Variants in CCDC126 observed in about 807,000 individuals in gnomAD.
CCDC126 encodes the protein coiled-coil domain-containing protein 126.
Under a neutral mutation model 11.7 loss-of-function variants are expected in CCDC126, and 5 were observed. The ratio of observed to expected loss-of-function variants is 0.43; its 90% confidence interval spans 0.22 to 0.90. The LOEUF (loss-of-function observed/expected upper bound fraction) is 0.90. Among genes scored for constraint, CCDC126 ranks in the 40% least tolerant of loss-of-function variants. The pLI is 0.27. For missense variants in CCDC126, 150 were observed against 163.1 expected, an observed-to-expected ratio of 0.92 and a Z score of 0.44; for synonymous variants, 60 against 61.9, an observed-to-expected ratio of 0.97 and a Z score of 0.14.
At chr7:23,611,590 T>G (rs1346971027) in intron 3 of CCDC126, 37 bp downstream of exon 3, 2 of 1,438,774 alleles carry the variant, frequency 1.4e-6, no homozygotes, top group Non-Finnish European at 2.0e-6. Flanking sequence ...TTTCCTCCAA[T>G]CCCTGTTTAA....
intron 3 of CCDC126, among the ~76,000 whole-genome samples, chr7:23,630,851 T>G (rs1052420989): frequency 2.0e-5 from 3 of 149,988 alleles, no homozygotes; most frequent in Admixed American, 1.3e-4. Context: ...CTGACCACAG[T>G]GTAGAAATCA....
intron 3 of CCDC126, among the ~76,000 whole-genome samples, chr7:23,636,456 G>C (rs1162903274): frequency 6.7e-6 from 1 of 149,908 alleles, no homozygotes; most frequent in African/African-American, 2.5e-5. Flanking sequence ...AGGAAGTGAG[G>C]AGCGTCTCTG....
rs980660151 is a variant in CCDC126, at chr7:23,611,952, G to A, written c.238+399G>A. On this transcript the variant is annotated intron_variant, in intron 3 of 3. Transcript: ENST00000307471. ...AGGTCAGGAAATCGAGACCATCCTG[G>A]CTAACACGGTAAAACCCCGTCTCTA... 9.2e-5 allele frequency among the ~76,000 whole-genome samples: 14 copies of A among 152,092 alleles called. 1 individual carries two copies. The highest frequency in any genetic ancestry group is 5.9e-4 in the Admixed American group (9 of 15,266).
intron 2 of CCDC126, among the ~76,000 whole-genome samples, chr7:23,599,745 C>T (rs1446326232): frequency 2.0e-5 from 3 of 151,882 alleles, no homozygotes; most frequent in Non-Finnish European, 1.5e-5. Context: ...AGGTGTGAGC[C>T]CTGGAGCCCG....
At chr7:23,597,727 C>A (rs1782447495) in intron 1 of CCDC126, 122 bp downstream of exon 1, 1 of 152,360 alleles carries the variant, frequency 6.6e-6, no homozygotes, top group South Asian at 2.0e-4. Context: ...AGGGCCGCTG[C>A]TGCGGAAACC....
chr7:23,626,294 A>G (rs1783014796), intron 3 of CCDC126, among the ~76,000 whole-genome samples: 1 of 152,102 alleles, frequency 6.6e-6, no homozygotes, highest in Non-Finnish European at 1.5e-5. Flanking sequence ...TTAATTTGAA[A>G]TAGGAGTACA....
At chr7:23,619,428 T>C (rs1434422333) in intron 3 of CCDC126, 4 of 417,966 alleles carry the variant, frequency 9.6e-6, no homozygotes, top group Non-Finnish European at 1.9e-5. Context: ...GATTAAAACC[T>C]ACAAAGAAAG....
chr7:23,641,478 G>A (rs1783354890), intron 3 of CCDC126, among the ~76,000 whole-genome samples: 1 of 152,086 alleles, frequency 6.6e-6, no homozygotes, highest in African/African-American at 2.4e-5. Context: ...CTTGATTAAT[G>A]TCCTTTTATG....
intron 3 of CCDC126, among the ~76,000 whole-genome samples, chr7:23,639,602 A>G (rs1423449490): frequency 6.6e-6 from 1 of 152,212 alleles, no homozygotes; most frequent in Non-Finnish European, 1.5e-5. Context: ...TCTTGCTGAA[A>G]GATTTTTGTA....
At chr7:23,636,758 C>T (rs1783228106) in intron 3 of CCDC126, among the ~76,000 whole-genome samples, 3 of 138,196 alleles carry the variant, frequency 2.2e-5, no homozygotes, top group Admixed American at 1.4e-4. Context: ...CCACCCCGTC[C>T]GGGAGGGAGG....
chr7:23,642,070 GGCGCTATCTCTGCTCACT>G (rs1205018085), intron 3 of CCDC126, among the ~76,000 whole-genome samples: 3 of 152,154 alleles, frequency 2.0e-5, no homozygotes, highest in Admixed American at 2.0e-4. Flanking sequence ...GGAGTGCAGT[GGCGCTATCTCTGCTCACT>G]GCAAGCTCTG....
intron 3 of CCDC126, among the ~76,000 whole-genome samples, chr7:23,625,041 A>G (rs1176341106): frequency 6.6e-6 from 1 of 152,120 alleles, no homozygotes; most frequent in Non-Finnish European, 1.5e-5. Flanking sequence ...TCAGGGTCTC[A>G]CTGTGTTGCC....
chr7:23,620,589 C>T (rs1176136974), intron 3 of CCDC126, among the ~76,000 whole-genome samples: 3 of 150,972 alleles, frequency 2.0e-5, no homozygotes, highest in Admixed American at 1.3e-4. Context: ...TTAATTAGAT[C>T]CCATTTGTCA....
At chr7:23,618,853 C>T (rs1046221639) in intron 3 of CCDC126, among the ~76,000 whole-genome samples, 7 of 152,022 alleles carry the variant, frequency 4.6e-5, no homozygotes, top group Admixed American at 3.3e-4. Context: ...CCGCGCTTGG[C>T]CTAAATTTTT....
At chr7:23,619,736 C>T (rs1406933608) in intron 3 of CCDC126, among the ~76,000 whole-genome samples, 2 of 104,420 alleles carry the variant, frequency 1.9e-5, no homozygotes, top group Non-Finnish European at 3.6e-5. Flanking sequence ...CCCCCCTCCC[C>T]CCACCCCACA....
chr7:23,597,641 G>C (rs1286897979), intron 1 of CCDC126, 36 bp downstream of exon 1: 1 of 152,426 alleles, frequency 6.6e-6, no homozygotes, highest in Non-Finnish European at 1.5e-5. Context: ...AGCCGGGCCC[G>C]CACCTCTCGC....
At chr7:23,620,940 C>A (rs1562494290) in intron 3 of CCDC126, among the ~76,000 whole-genome samples, 1 of 152,164 alleles carries the variant, frequency 6.6e-6, no homozygotes, top group South Asian at 2.1e-4. Flanking sequence ...TGGTATGTAT[C>A]TCTGTTTTGG....
intron 3 of CCDC126, among the ~76,000 whole-genome samples, chr7:23,618,174 G>A (rs1018028181): frequency 6.6e-6 from 1 of 152,124 alleles, no homozygotes; most frequent in Non-Finnish European, 1.5e-5. Flanking sequence ...TGCCAACTAG[G>A]GAATCTCACC....
chr7:23,610,007 GT>G (rs1261412648), intron 2 of CCDC126, among the ~76,000 whole-genome samples: 1 of 151,978 alleles, frequency 6.6e-6, no homozygotes, highest in African/African-American at 2.4e-5. Flanking sequence ...TAGTCAAAGA[GT>G]TTTTTTTACT....
Sources: allele counts gnomAD v4.1 joint callset (sites outside exome capture counted in the v4.1 genomes callset), GRCh38; gene constraint gnomAD v4.1.1; transcripts MANE v1.5; gene names NCBI Gene and HGNC (gene_info 2026-07-23, HGNC 2026-07-21).